Variants in ZEB1 observed in about 807,000 individuals in gnomAD.
ZEB1 encodes the protein zinc finger E-box binding homeobox 1.
A neutral mutation model predicts 84.9 loss-of-function variants in ZEB1; 21 were observed. The ratio of observed to expected loss-of-function variants is 0.25; its 90% CI spans 0.18 to 0.36. The LOEUF is 0.36. Ranked by LOEUF, ZEB1 falls within the 10% of genes least tolerant of loss-of-function variation. ZEB1 has a pLI of 1.00. For missense variants in ZEB1, 1,104 were observed against 1,330.2 expected, an observed-to-expected ratio of 0.83 and a Z score of 2.65; for synonymous variants, 420 against 471.1, an observed-to-expected ratio of 0.89 and a Z score of 1.41.
intron 1 of ZEB1, among the ~76,000 whole-genome samples, chr10:31,346,040 G>C (rs1448982801): frequency 3.3e-5 from 5 of 152,112 alleles, no homozygotes; most frequent in Non-Finnish European, 5.9e-5. Flanking sequence ...CATCACAAGA[G>C]CTAGTTTGAA....
At chr10:31,424,323 C>T (rs2056647674) in intron 1 of ZEB1, among the ~76,000 whole-genome samples, 1 of 151,868 alleles carries the variant, frequency 6.6e-6, no homozygotes, top group African/African-American at 2.4e-5. Context: ...TTATATTTTA[C>T]TATATCATGA....
chr10:31,526,857 G>A lies in ZEB1; in HGVS notation c.2971G>A (p.Ala991Thr), dbSNP rs758827099. 6.2e-6 allele frequency: 10 copies of A among 1,614,180 alleles called. No individual in the cohort carries two copies. The highest frequency in any genetic ancestry group is 8.5e-6 in the Non-Finnish European group (10 of 1,180,048). The change falls in exon 9 of 9, where the codon GCG becomes ACG. Residue 991 changes from alanine to threonine, a missense_variant. Ala to Thr is a moderately conservative substitution (Grantham distance 58). This residue lies in a region of ZEB1 where 173 missense variants were observed against 167.0 expected (regional missense o/e 1.04). Transcript: ENST00000424869. ...NHRYSYCKRE[A>T]EERDSTEQEE... ...TCGCTACTCCTACTGTAAGAGAGAA[G>A]CGGAAGAACGTGACAGCACAGAGCA... is the stretch of plus-strand genomic sequence containing the variant.
At chr10:31,329,788 C>T (rs72824233) in intron 1 of ZEB1, among the ~76,000 whole-genome samples, 5 of 152,184 alleles carry the variant, frequency 3.3e-5, no homozygotes, top group Admixed American at 6.5e-5. Context: ...TGGATTTCAC[C>T]GGTGACTAAT....
chr10:31,369,022 C>T (rs1323018499), intron 1 of ZEB1, among the ~76,000 whole-genome samples: 1 of 152,160 alleles, frequency 6.6e-6, no homozygotes, highest in Non-Finnish European at 1.5e-5. Flanking sequence ...CATATCTTTA[C>T]AACTAAATCT....
At chr10:31,421,379 A>G (rs945733858) in intron 1 of ZEB1, among the ~76,000 whole-genome samples, 6 of 152,130 alleles carry the variant, frequency 3.9e-5, no homozygotes, top group African/African-American at 1.4e-4. Context: ...GTTTCAAGTT[A>G]TATTGATAAA....
At chr10:31,351,289 A>T (rs758836224) in intron 1 of ZEB1, among the ~76,000 whole-genome samples, 3 of 152,204 alleles carry the variant, frequency 2.0e-5, no homozygotes, top group African/African-American at 7.2e-5. Flanking sequence ...ATTTCTGGAT[A>T]TAGAATCTTT....
intron 1 of ZEB1, among the ~76,000 whole-genome samples, chr10:31,388,779 A>G (rs2049101468): frequency 6.6e-6 from 1 of 152,060 alleles, no homozygotes. Flanking sequence ...TAGCCTTTAT[A>G]ATAGCATAGA....
chr10:31,440,962 G>A (rs530104526), intron 1 of ZEB1, among the ~76,000 whole-genome samples: 209 of 152,164 alleles, frequency 1.4e-3, no homozygotes, highest in African/African-American at 4.7e-3. Flanking sequence ...AATCAATATC[G>A]TGAAAATGGC....
chr10:31,444,655 A>G (rs1591342712), intron 1 of ZEB1, among the ~76,000 whole-genome samples: 1 of 152,036 alleles, frequency 6.6e-6, no homozygotes, highest in South Asian at 2.1e-4. Context: ...TCCCAGCACC[A>G]TTTGTTAAAT....
intron 1 of ZEB1, among the ~76,000 whole-genome samples, chr10:31,364,346 C>T (rs2044024241): frequency 6.6e-6 from 1 of 152,198 alleles, no homozygotes; most frequent in Non-Finnish European, 1.5e-5. Context: ...CCCTGTGGGG[C>T]TGTTGGGGGT....
At chr10:31,435,196 T>C (rs1270019754) in intron 1 of ZEB1, among the ~76,000 whole-genome samples, 3 of 152,100 alleles carry the variant, frequency 2.0e-5, no homozygotes, top group African/African-American at 4.8e-5. Context: ...GCTTTGAAGA[T>C]GGAAGGGGCC....
At position 31,486,574 on chromosome 10, in the gene ZEB1, GT is replaced by G. The variant is rs558179380; in HGVS notation, c.260-9192del. 2.7e-3 allele frequency among the ~76,000 whole-genome samples: 377 copies of G among 139,766 alleles called. 3 individuals are homozygous for G. Among genetic ancestry groups the G allele is most frequent in the African/African-American group, 7.2e-3 (275 of 38,320 alleles). The allele number at this position is 139,766 out of a possible 152,430, so 91.7% of individuals were successfully genotyped here. The stretch of plus-strand genomic sequence containing the variant: ...TTTTCTTTTCTTTTTTTTCTGTAGT[GT>G]TTTTTTTTTCTTTTTTTAATTATAC... On this transcript the variant is annotated intron_variant, in intron 2 of 8. Transcript: ENST00000424869.
At position 31,473,727 on chromosome 10, in the gene ZEB1, A is replaced by G. The variant is rs1186832398; in HGVS notation, c.259+12490A>G. On this transcript the variant is annotated intron_variant, in intron 2 of 8. Coordinates refer to ENST00000424869, the MANE Select transcript of ZEB1 (RefSeq NM_001174096.2). ...AAAACTACTTTAAAGTTCATATGGA[A>G]CCAAAAAAGAGCCTGCATCGCCAAG... 3.5e-4 allele frequency among the ~76,000 whole-genome samples: 52 copies of G among 150,076 alleles called. No individual in the cohort carries two copies. The South Asian group carries it at 9.7e-3, about 28-fold the overall frequency.
chr10:31,499,570 C>T (rs1045509220), intron 3 of ZEB1, among the ~76,000 whole-genome samples: 2 of 151,898 alleles, frequency 1.3e-5, no homozygotes, highest in African/African-American at 4.8e-5. Flanking sequence ...TCTATAAAAT[C>T]TCATCAATAA....
chr10:31,464,488 A>G (rs1444440460), intron 2 of ZEB1, among the ~76,000 whole-genome samples: 1 of 152,224 alleles, frequency 6.6e-6, no homozygotes, highest in Non-Finnish European at 1.5e-5. Flanking sequence ...TTTATTTATA[A>G]TCAGTGAAAA....
intron 1 of ZEB1, among the ~76,000 whole-genome samples, chr10:31,403,645 CA>C (rs1467805230): frequency 1.3e-5 from 2 of 151,920 alleles, no homozygotes; most frequent in Non-Finnish European, 2.9e-5. Flanking sequence ...ATAATAGAAT[CA>C]ACATTCTTAC....
At chr10:31,401,163 G>A (rs1284721992) in intron 1 of ZEB1, among the ~76,000 whole-genome samples, 1 of 152,088 alleles carries the variant, frequency 6.6e-6, no homozygotes, top group Non-Finnish European at 1.5e-5. Context: ...AAAAATCATA[G>A]GGCTTATGAG....
intron 4 of ZEB1, among the ~76,000 whole-genome samples, chr10:31,505,355 G>A (rs1230682138): frequency 6.6e-6 from 1 of 152,006 alleles, no homozygotes; most frequent in Admixed American, 6.6e-5. Flanking sequence ...ATAGTTTGAG[G>A]AGAACTAGTG....
At chr10:31,503,887 C>G (rs1057157574) in intron 4 of ZEB1, among the ~76,000 whole-genome samples, 1 of 151,862 alleles carries the variant, frequency 6.6e-6, no homozygotes, top group Non-Finnish European at 1.5e-5. Context: ...TATTCATATC[C>G]TTTGCCCACT....
Sources: allele counts gnomAD v4.1 joint callset (sites outside exome capture counted in the v4.1 genomes callset), GRCh38; gene constraint gnomAD v4.1.1; regional missense constraint gnomAD v4.1.1; transcripts MANE v1.5; gene names NCBI Gene and HGNC (gene_info 2026-07-23, HGNC 2026-07-21).